Variants in WDR5 observed in about 807,000 individuals in gnomAD.
WDR5 encodes the protein WD repeat domain 5, also known as WD repeat-containing protein 5.
For synonymous variants in WDR5, 144 were observed against 161.6 expected (o/e 0.89, Z 0.83); for missense variants, 187 against 416.9 (o/e 0.45, Z 4.80).
intron 2 of WDR5, among the ~76,000 whole-genome samples, chr9:134,140,452 G>A (rs559858277): frequency 9.9e-5 from 15 of 152,252 alleles, no homozygotes; most frequent in Admixed American, 3.3e-4. Context: ...TTTCTGGCTC[G>A]GCTGGTGCTG....
intron 13 of WDR5, among the ~76,000 whole-genome samples, chr9:134,156,899 C>T (rs962579436): frequency 2.6e-5 from 4 of 152,228 alleles, no homozygotes; most frequent in Admixed American, 2.0e-4. Flanking sequence ...CACGTCACGG[C>T]GAGCTCTGTT....
intron 8 of WDR5, among the ~76,000 whole-genome samples, chr9:134,148,667 C>G (rs114645112): frequency 0.027 from 4,063 of 152,184 alleles, 100 homozygotes; most frequent in African/African-American, 0.064. Flanking sequence ...GTGTTTGGAC[C>G]CCTTGAGGTG....
chr9:134,156,419 G>A, intron 12 of WDR5, 87 bp from the exon 13 acceptor site: 1 of 1,351,098 alleles, frequency 7.4e-7, no homozygotes, highest in Non-Finnish European at 1.1e-6. Flanking sequence ...CGTGGGGCAG[G>A]GCATAACTGG....
chr9:134,156,481 GT>G, intron 12 of WDR5, 24 bp from the exon 13 acceptor site: 2 of 1,612,070 alleles, frequency 1.2e-6, no homozygotes, highest in Non-Finnish European at 1.7e-6. Flanking sequence ...TCCTTGCCCT[GT>G]TTTCCCTGCT....
At chr9:134,156,743 C>T (rs1832762288) in intron 13 of WDR5, 150 bp downstream of exon 13, 3 of 733,870 alleles carry the variant, frequency 4.1e-6, no homozygotes, top group African/African-American at 3.5e-5. Context: ...CTGCTAAGAG[C>T]TCTTGCCCAA....
rs1832752834 is a variant in WDR5, at chr9:134,156,571, A to G, written c.882A>G (p.Val294=). 1 of 1,614,230 alleles carries G rather than the reference A, an allele frequency of 6.2e-7. No individual in the cohort carries two copies. The change falls in exon 13 of 14, where the codon GTA becomes GTG. Residue 294 remains valine, a synonymous_variant. Coordinates refer to ENST00000358625, the MANE Select transcript of WDR5 (RefSeq NM_017588.3). ...GGAACCTTCAGACGAAAGAGATTGT[A>G]CAGAAACTACAAGGCCACACAGGTG... ...YIWNLQTKEI[V]QKLQGHTDVV...
chr9:134,145,571 G>C (rs949182738), intron 7 of WDR5, among the ~76,000 whole-genome samples: 7 of 152,238 alleles, frequency 4.6e-5, no homozygotes, highest in African/African-American at 1.7e-4. Context: ...GTTTGTGCGG[G>C]ATGGCTTTGG....
chr9:134,156,149 C>G (rs1322989224), intron 12 of WDR5, among the ~76,000 whole-genome samples: 1 of 152,270 alleles, frequency 6.6e-6, no homozygotes, highest in Admixed American at 6.5e-5. Flanking sequence ...CCACACTGGT[C>G]TCGATGCTCC....
chr9:134,144,054 G>A (rs1832041454), intron 7 of WDR5, among the ~76,000 whole-genome samples: 1 of 152,254 alleles, frequency 6.6e-6, no homozygotes, highest in Non-Finnish European at 1.5e-5. Flanking sequence ...TCTTGGCGGT[G>A]AATGGGTTTA....
intron 2 of WDR5, among the ~76,000 whole-genome samples, chr9:134,140,494 A>G (rs1831828817): frequency 6.6e-6 from 1 of 151,922 alleles, no homozygotes; most frequent in South Asian, 2.1e-4. Context: ...ACAGAAGAGG[A>G]GGTCTTGTGG....
chr9:134,156,653 G>A, intron 13 of WDR5, 60 bp downstream of exon 13: 1 of 1,553,310 alleles, frequency 6.4e-7, no homozygotes. Context: ...AGTTCCTGCA[G>A]GTGAAGCGTG....
intron 7 of WDR5, among the ~76,000 whole-genome samples, chr9:134,146,112 C>T (rs947560237): frequency 1.3e-5 from 2 of 150,444 alleles, no homozygotes; most frequent in African/African-American, 2.5e-5. Flanking sequence ...CTACAGGCGC[C>T]CTCCACCATG....
At position 134,145,949 on chromosome 9, in the gene WDR5, TTTG is replaced by T. The variant is rs1388757869; in HGVS notation, c.529-2336_529-2334del. Among the ~76,000 whole-genome samples, 387 of 131,658 alleles carry T rather than the reference TTTG, an allele frequency of 2.9e-3. 5 individuals are homozygous for T. Among genetic ancestry groups the T allele is most frequent in the African/African-American group, 0.013 (373 of 27,648 alleles). 86.4% of individuals were successfully genotyped at this position (131,658 alleles called of 152,430 possible). On this transcript the variant is annotated intron_variant, in intron 7 of 13. Transcript: ENST00000358625. ...TGTTTCTTTCTTTCTTTTTTTTTTT[TTTG>T]TTTTTTAATATTTATTTATTTATTT...
chr9:134,151,513 G>A (rs1488127963), intron 8 of WDR5, among the ~76,000 whole-genome samples: 1 of 152,218 alleles, frequency 6.6e-6, no homozygotes, highest in Non-Finnish European at 1.5e-5. Context: ...CAATGTAAAT[G>A]CCTGGCTTGT....
At chr9:134,145,096 GTTTTTTTT>G (rs56864188) in intron 7 of WDR5, among the ~76,000 whole-genome samples, 12 of 104,718 alleles carry the variant, frequency 1.1e-4, no homozygotes, top group South Asian at 3.5e-4. Flanking sequence ...GTGGGGCTTT[GTTTTTTTT>G]TTTTTTTTTT....
intron 7 of WDR5, among the ~76,000 whole-genome samples, chr9:134,146,516 G>A (rs1588173569): frequency 1.3e-5 from 2 of 152,214 alleles, no homozygotes; most frequent in Non-Finnish European, 2.9e-5. Context: ...GATTACAGGC[G>A]TAAGCCACCG....
intron 9 of WDR5, among the ~76,000 whole-genome samples, chr9:134,152,687 G>T (rs923690178): frequency 1.3e-5 from 2 of 152,208 alleles, no homozygotes; most frequent in Non-Finnish European, 2.9e-5. Context: ...TGGTGAGGAT[G>T]GGGGGATGGA....
rs540795334 is a variant in WDR5 at position 134,139,401 on chromosome 9, C to G, written c.-58-419C>G. Among the ~76,000 whole-genome samples, 5 of 152,258 alleles carry G rather than the reference C, an allele frequency of 3.3e-5. No individual in the cohort carries two copies. The South Asian group carries it at 1.0e-3, about 32-fold the overall frequency. On this transcript the variant is annotated intron_variant, in intron 1 of 13. Transcript: ENST00000358625. ...GTGCATTTTAGGATTTGGATGTGAT[C>G]CCAAATTTCTACACCCTGAAGCTCA...
chr9:134,135,661 C>T (rs1423954691), upstream of WDR5: 1 of 152,124 alleles, frequency 6.6e-6, no homozygotes, highest in East Asian at 1.9e-4. Flanking sequence ...TGCCCACTGC[C>T]GCTCTCATCC....
Sources: allele counts gnomAD v4.1 joint callset (sites outside exome capture counted in the v4.1 genomes callset), GRCh38; gene constraint gnomAD v4.1.1; transcripts MANE v1.5; gene names NCBI Gene and HGNC (gene_info 2026-07-23, HGNC 2026-07-21).